The following NSMCE2 variants were observed in gnomAD, a reference collection of about 807,000 sequenced individuals.
NSMCE2 encodes the protein E3 SUMO-protein ligase NSE2.
A neutral mutation model predicts 23.8 loss-of-function variants in NSMCE2; 24 were observed. The ratio of observed to expected loss-of-function variants is 1.01; its 90% CI spans 0.73 to 1.42. NSMCE2 has a LOEUF of 1.42. NSMCE2 is among the 40% of genes most tolerant of loss of function. The pLI is 0.00. For missense variants in NSMCE2, 284 were observed against 296.5 expected (o/e 0.96, Z 0.31); for synonymous variants, 92 against 94.1 (o/e 0.98, Z 0.13).
At chr8:125,129,544 C>CTGTG (rs10578122) in intron 3 of NSMCE2, among the ~76,000 whole-genome samples, 10,491 of 145,366 alleles carry the variant, frequency 0.072, 421 homozygotes, top group South Asian at 0.15. Flanking sequence ...AGATTTGGCT[C>CTGTG]TGTGTGTGTG....
At chr8:125,182,009 C>T (rs1822843305) in intron 4 of NSMCE2, 94 bp from the exon 5 acceptor site, 1 of 942,640 alleles carries the variant, frequency 1.1e-6, no homozygotes, top group Non-Finnish European at 1.6e-6. Context: ...CTATCTTTTG[C>T]TTTGAATTAT....
In NSMCE2 at chr8:125,337,756, G is replaced by A. The variant is rs921127258; in HGVS notation, c.419-19463G>A. ...CTAAAAATACAAAAATTAGCCGGGC[G>A]TGGTGGCACATGGCTGTAATCCCAA... On this transcript the variant is annotated intron_variant, in intron 5 of 7. Transcript: ENST00000287437. Among the ~76,000 whole-genome samples, 21 of 151,980 alleles carry A rather than the reference G, an allele frequency of 1.4e-4. 1 individual carries two copies. Among genetic ancestry groups the A allele is most frequent in the African/African-American group, 3.1e-4 (13 of 41,370 alleles).
At chr8:125,095,606 A>C (rs1272764838) in intron 1 of NSMCE2, among the ~76,000 whole-genome samples, 2 of 151,664 alleles carry the variant, frequency 1.3e-5, no homozygotes, top group Non-Finnish European at 2.9e-5. Flanking sequence ...AACAAAAAGA[A>C]AACCGAGGCC....
intron 5 of NSMCE2, among the ~76,000 whole-genome samples, chr8:125,187,477 TCTC>T (rs1450941179): frequency 6.6e-6 from 1 of 152,214 alleles, no homozygotes; most frequent in African/African-American, 2.4e-5. Flanking sequence ...AATTTTCTCT[TCTC>T]CTTGCCTTAA....
intron 2 of NSMCE2, 31 bp from the exon 3 acceptor site, chr8:125,102,286 G>A (rs372045770): frequency 1.2e-4 from 183 of 1,493,484 alleles, no homozygotes; most frequent in Non-Finnish European, 1.5e-4. Context: ...TCTGACTTAC[G>A]AATCTTGTTT....
At chr8:125,323,387 T>A (rs1829530135) in intron 5 of NSMCE2, among the ~76,000 whole-genome samples, 1 of 152,230 alleles carries the variant, frequency 6.6e-6, no homozygotes, top group Non-Finnish European at 1.5e-5. Context: ...GAACTTATTC[T>A]ACCTGACTTC....
At chr8:125,236,475 T>C (rs1044107769) in intron 5 of NSMCE2, among the ~76,000 whole-genome samples, 1 of 152,046 alleles carries the variant, frequency 6.6e-6, no homozygotes, top group African/African-American at 2.4e-5. Context: ...ACATAATAAG[T>C]ATATAAATTT....
At chr8:125,245,720 T>C (rs1264980122) in intron 5 of NSMCE2, among the ~76,000 whole-genome samples, 1 of 151,918 alleles carries the variant, frequency 6.6e-6, no homozygotes, top group African/African-American at 2.4e-5. Flanking sequence ...TACTGAAAAT[T>C]GAAACAAAAT....
In NSMCE2 at chr8:125,233,834, G is replaced by A. The variant is rs72720566; in HGVS notation, c.418+51578G>A. The stretch of plus-strand genomic sequence containing the variant: ...AAACCTAGAAATCTTCACTTTTTCC[G>A]CTGTCACTTTCTACATCTAATGAAT... On this transcript the variant is annotated intron_variant, in intron 5 of 7. Transcript: ENST00000287437. Among the ~76,000 whole-genome samples, 827 of 151,806 alleles carry A rather than the reference G, an allele frequency of 5.4e-3. 3 individuals are homozygous for A. The highest frequency in any genetic ancestry group is 8.2e-3 in the Non-Finnish European group (556 of 67,932).
chr8:125,180,891 G>A (rs1822771658), intron 4 of NSMCE2, among the ~76,000 whole-genome samples: 1 of 152,204 alleles, frequency 6.6e-6, no homozygotes, highest in Non-Finnish European at 1.5e-5. Context: ...TACCTACTGT[G>A]TGCTGGGCAC....
At chr8:125,166,653 C>A (rs1821892290) in intron 4 of NSMCE2, among the ~76,000 whole-genome samples, 1 of 152,106 alleles carries the variant, frequency 6.6e-6, no homozygotes, top group African/African-American at 2.4e-5. Flanking sequence ...TGAATTAGTT[C>A]TTTGATTCTT....
intron 4 of NSMCE2, chr8:125,156,420 T>C (rs1821312510): frequency 1.3e-5 from 2 of 153,212 alleles, no homozygotes; most frequent in African/African-American, 2.4e-5. Context: ...TTATAAATTG[T>C]ATAAGATTTT....
At chr8:125,262,153 C>T (rs147929778) in intron 5 of NSMCE2, among the ~76,000 whole-genome samples, 3,079 of 151,400 alleles carry the variant, frequency 0.02, 48 homozygotes, top group Non-Finnish European at 0.033. Flanking sequence ...AGGCCGGGTG[C>T]GATGGCTCAC....
chr8:125,109,422 G>T (rs185385667), intron 3 of NSMCE2, among the ~76,000 whole-genome samples: 2 of 152,284 alleles, frequency 1.3e-5, no homozygotes, highest in Admixed American at 1.3e-4. Context: ...GATTGGGAGA[G>T]ATTAAAGTGC....
chr8:125,142,928 C>G (rs1290343269), intron 3 of NSMCE2, among the ~76,000 whole-genome samples: 1 of 152,156 alleles, frequency 6.6e-6, no homozygotes, highest in Non-Finnish European at 1.5e-5. Flanking sequence ...TTTTGCCACA[C>G]TAATATCTAT....
chr8:125,271,597 C>G (rs1827193143), intron 5 of NSMCE2, among the ~76,000 whole-genome samples: 1 of 152,180 alleles, frequency 6.6e-6, no homozygotes, highest in Non-Finnish European at 1.5e-5. Context: ...AGCTGTTCAT[C>G]TTTGAAACCA....
At chr8:125,258,742 G>A (rs570814007) in intron 5 of NSMCE2, among the ~76,000 whole-genome samples, 1 of 152,214 alleles carries the variant, frequency 6.6e-6, no homozygotes, top group South Asian at 2.1e-4. Flanking sequence ...AGGTGGGGGG[G>A]TTATGGGAGT....
At chr8:125,359,311 A>ATGCTTTCT (rs1813424189) in intron 7 of NSMCE2, among the ~76,000 whole-genome samples, 1 of 141,958 alleles carries the variant, frequency 7.0e-6, no homozygotes, top group Non-Finnish European at 1.5e-5. Flanking sequence ...GTTAAATGGC[A>ATGCTTTCT]TGCTTTCTTG....
intron 3 of NSMCE2, among the ~76,000 whole-genome samples, chr8:125,133,125 T>A (rs2384914): frequency 0.49 from 74,569 of 152,126 alleles, 22,739 homozygotes; most frequent in African/African-American, 0.87. Flanking sequence ...ATTAGATTTT[T>A]AAAATCCATT....
Sources: allele counts gnomAD v4.1 joint callset (sites outside exome capture counted in the v4.1 genomes callset), GRCh38; gene constraint gnomAD v4.1.1; transcripts MANE v1.5; gene names NCBI Gene and HGNC (gene_info 2026-07-23, HGNC 2026-07-21).